Variants in F11R observed in about 807,000 individuals in gnomAD.
The protein encoded by F11R is junctional adhesion molecule A.
A neutral mutation model predicts 39.3 loss-of-function variants in F11R; 27 were observed. The observed-to-expected ratio is 0.69, with a 90% CI of 0.51 to 0.95. The LOEUF (loss-of-function observed/expected upper bound fraction) is 0.95, where lower values mean the gene tolerates loss of function less well. Ranked by LOEUF, F11R falls within the 40% of genes least tolerant of loss-of-function variation. F11R has a pLI of 0.00. For synonymous variants in F11R, 131 were observed against 144.9 expected, an observed-to-expected ratio of 0.90 and a Z score of 0.69; for missense variants, 335 against 372.7, an observed-to-expected ratio of 0.90 and a Z score of 0.83.
intron 1 of F11R, among the ~76,000 whole-genome samples, chr1:161,015,721 G>A (rs1211367178): frequency 6.6e-6 from 1 of 151,618 alleles, no homozygotes; most frequent in Non-Finnish European, 1.5e-5. Context: ...ATATAAGCAA[G>A]ATGTAGAATA....
intron 1 of F11R, among the ~76,000 whole-genome samples, chr1:161,016,661 A>T (rs997156370): frequency 1.3e-5 from 2 of 152,088 alleles, no homozygotes; most frequent in African/African-American, 2.4e-5. Context: ...CGTCTCAAAA[A>T]AAAAAAAAGT....
Position 161,001,098 on chromosome 1 carries a change from A to G in F11R, c.163T>C (p.Phe55Leu). 6.2e-7 allele frequency: 1 copy of G among 1,614,112 alleles called. No homozygotes were observed. Among genetic ancestry groups the G allele is most frequent in the South Asian group, 1.1e-5 (1 of 91,070 alleles). ...PVKLSCAYSG[F>L]SSPRVEWKFD... Reference sequence around the variant, plus strand: ...TTCCACTCCACACGGGGAGAAGAAAAGCCCGAGTAGGCACAGGACAACTTC... The same window carrying G: ...TTCCACTCCACACGGGGAGAAGAAAGGCCCGAGTAGGCACAGGACAACTTC... Residue 55 changes from phenylalanine to leucine, a missense_variant, in exon 3 of 10, where the codon TTT becomes CTT. By Grantham distance (22) the Phe-to-Leu change is conservative. Transcript: ENST00000368026.
At chr1:161,004,977 G>A (rs1249024768) in intron 1 of F11R, among the ~76,000 whole-genome samples, 4 of 151,444 alleles carry the variant, frequency 2.6e-5, no homozygotes, top group Admixed American at 2.0e-4. Flanking sequence ...CTTGGCCAAC[G>A]TGGCGAAATC....
intron 1 of F11R, among the ~76,000 whole-genome samples, chr1:161,005,012 C>A (rs1455522360): frequency 6.6e-6 from 1 of 151,242 alleles, no homozygotes. Flanking sequence ...AGTACAAAAA[C>A]CAGCCAGGGG....
chr1:161,000,781 C>A lies in F11R; in HGVS notation c.242-4G>T. On this transcript the variant is annotated splice_polypyrimidine_tract_variant and splice_region_variant and intron_variant, in intron 3 of 9. Coordinates refer to ENST00000368026, the MANE Select transcript of F11R (RefSeq NM_016946.6). Reference sequence around the variant, plus strand: ...GTCACCCGGTCCTCATAGGAAGCTACCACAAGAGGAGGCAAGAGCAAGGAC... The same window carrying A: ...GTCACCCGGTCCTCATAGGAAGCTAACACAAGAGGAGGCAAGAGCAAGGAC... 1 of 1,614,076 alleles carries A rather than the reference C, an allele frequency of 6.2e-7. No homozygotes were observed. Among genetic ancestry groups the A allele is most frequent in the Non-Finnish European group, 8.5e-7 (1 of 1,179,996 alleles).
rs925595579 is a variant in F11R at position 160,996,259 on chromosome 1, G to T, written c.*2612C>A. The T allele has an allele frequency of 6.6e-6, 1 of 152,278 alleles. No individual in the cohort carries two copies. Among genetic ancestry groups the T allele is most frequent in the Non-Finnish European group, 1.5e-5 (1 of 68,018 alleles). The allele number at this position is 152,278 out of a possible 1,614,324, so 9.4% of individuals were successfully genotyped here. A position where few individuals can be genotyped will look rare whatever the true frequency, so the allele number is the denominator to read the frequency against. On this transcript the variant is annotated 3_prime_UTR_variant, in exon 10 of 10. Coordinates refer to ENST00000368026, the MANE Select transcript of F11R (RefSeq NM_016946.6). ...ACATTTTAAAGTGAATGCAGACAAG[G>T]TGTTTTCCAGTTCAAAAGGTCCATT... is the stretch of plus-strand genomic sequence containing the variant.
chr1:160,999,375 C>A, intron 8 of F11R, 21 bp downstream of exon 8: 1 of 1,614,170 alleles, frequency 6.2e-7, no homozygotes, highest in Non-Finnish European at 8.5e-7. Flanking sequence ...TTGGAGAACC[C>A]CAGGACAGCA....
chr1:161,006,369 C>T (rs1270346113), intron 1 of F11R, among the ~76,000 whole-genome samples: 1 of 152,158 alleles, frequency 6.6e-6, no homozygotes, highest in Non-Finnish European at 1.5e-5. Flanking sequence ...TATGGCACCA[C>T]CCAAATGAAC....
At chr1:161,013,496 C>G (rs1571020248) in intron 1 of F11R, among the ~76,000 whole-genome samples, 1 of 152,246 alleles carries the variant, frequency 6.6e-6, no homozygotes, top group Non-Finnish European at 1.5e-5. Context: ...CCCCACCACT[C>G]ACCCTGTAGA....
intron 1 of F11R, among the ~76,000 whole-genome samples, chr1:161,008,501 C>CA (rs948844017): frequency 1.2e-3 from 164 of 131,390 alleles, no homozygotes; most frequent in African/African-American, 3.1e-3. Flanking sequence ...GACCCCGTCT[C>CA]AAAAAAAAAA....
chr1:161,002,726 C>G (rs1648561527), intron 1 of F11R: 1 of 151,896 alleles, frequency 6.6e-6, no homozygotes, highest in Non-Finnish European at 1.5e-5. Context: ...TCTGAGACTC[C>G]CCTTCCTCTC....
In F11R at chr1:161,021,085, T is replaced by C. The variant is rs28365980; in HGVS notation, c.-12A>G. 0.54 allele frequency: 864,621 copies of C among 1,604,372 alleles called. 236,539 individuals carry two copies. The highest frequency in any genetic ancestry group is 0.71 in the African/African-American group (53,270 of 74,556). ...GCCTTTGTCCCCATCGCGATCAGGC[T>C]CCCGACACAACAGCCGCCGAAGGAC... is the stretch of plus-strand genomic sequence containing the variant. On this transcript the variant is annotated 5_prime_UTR_variant, in exon 1 of 10. Transcript: ENST00000368026.
Position 160,998,337 on chromosome 1 carries a change from T to C in F11R, c.*534A>G. ...CAGGGCAGAGGGATCCCAGTGGCAC[T>C]TCCCATGGGAAGACAGAAGAGAGTG... On this transcript the variant is annotated 3_prime_UTR_variant, in exon 10 of 10. Coordinates refer to ENST00000368026, the MANE Select transcript of F11R (RefSeq NM_016946.6). 1 of 166,092 alleles carries C rather than the reference T, an allele frequency of 6.0e-6. No individual in the cohort carries two copies. Among genetic ancestry groups the C allele is most frequent in the Admixed American group, 5.7e-5 (1 of 17,554 alleles). 10.3% of individuals were successfully genotyped at this position (166,092 alleles called of 1,614,324 possible).
At chr1:161,000,841 G>A in intron 3 of F11R, 64 bp from the exon 4 acceptor site, 1 of 1,598,884 alleles carries the variant, frequency 6.3e-7, no homozygotes, top group Non-Finnish European at 8.6e-7. Context: ...GGCTGATGAA[G>A]GGGGCATCCA....
chr1:161,020,114 T>C (rs893673005), intron 1 of F11R, among the ~76,000 whole-genome samples: 1 of 152,178 alleles, frequency 6.6e-6, no homozygotes, highest in Non-Finnish European at 1.5e-5. Flanking sequence ...ACAGGTTGAC[T>C]AACGCACAAA....
intron 7 of F11R, 44 bp from the exon 8 acceptor site, chr1:160,999,452 G>C (rs770847946): frequency 7.4e-6 from 12 of 1,613,960 alleles, no homozygotes; most frequent in Non-Finnish European, 1.0e-5. Flanking sequence ...CAGGACAGAA[G>C]ACAGCATGGC....
chr1:161,000,196 G>T lies in F11R; in HGVS notation c.541C>A (p.Arg181Ser), dbSNP rs781256036. Reference sequence around the variant, plus strand: ...ACATAGGAAGAGTTGCTGAAGGCACGGGTGCTTTTGGGATTCGTAGGCATC... The same window carrying T: ...ACATAGGAAGAGTTGCTGAAGGCACTGGTGCTTTTGGGATTCGTAGGCATC... ...IVMPTNPKST[R>S]AFSNSSYVLN... The change falls in exon 5 of 10, where the codon CGT (arginine) becomes AGT (serine). Residue 181 changes from arginine to serine, a missense_variant. Transcript: ENST00000368026. 6.2e-7 allele frequency: 1 copy of T among 1,614,108 alleles called. No individual in the cohort carries two copies. Among genetic ancestry groups the T allele is most frequent in the South Asian group, 1.1e-5 (1 of 91,082 alleles).
At chr1:161,008,907 C>G (rs1456748490) in intron 1 of F11R, among the ~76,000 whole-genome samples, 1 of 152,164 alleles carries the variant, frequency 6.6e-6, no homozygotes, top group African/African-American at 2.4e-5. Context: ...CCAATAATCC[C>G]TATACTCTGC....
chr1:161,002,261 CAAA>C (rs34007325), intron 1 of F11R, among the ~76,000 whole-genome samples: 13 of 68,668 alleles, frequency 1.9e-4, no homozygotes, highest in African/African-American at 2.9e-4. Context: ...GACTCAATCT[CAAA>C]AAAAAAAAAA....
Sources: allele counts gnomAD v4.1 joint callset (sites outside exome capture counted in the v4.1 genomes callset), GRCh38; gene constraint gnomAD v4.1.1; transcripts MANE v1.5; gene names NCBI Gene and HGNC (gene_info 2026-07-23, HGNC 2026-07-21).